Variants in PHACTR1 observed in about 807,000 individuals in gnomAD.
PHACTR1 encodes the protein RPEL repeat containing 1.
Under a neutral mutation model 69.2 loss-of-function variants are expected in PHACTR1, and 16 were observed. The ratio of observed to expected loss-of-function variants is 0.23; its 90% CI spans 0.16 to 0.35. PHACTR1 has a LOEUF of 0.35. PHACTR1 is among the 10% of genes least tolerant of loss of function. PHACTR1 has a pLI of 1.00. For synonymous variants in PHACTR1, 312 were observed against 284.5 expected, an observed-to-expected ratio of 1.10 and a Z score of -0.97; for missense variants, 510 against 734.7, an observed-to-expected ratio of 0.69 and a Z score of 3.54.
At chr6:13,135,600 T>C (rs1437250605) in intron 5 of PHACTR1, among the ~76,000 whole-genome samples, 1 of 152,224 alleles carries the variant, frequency 6.6e-6, no homozygotes, top group Non-Finnish European at 1.5e-5. Flanking sequence ...ACTTTGTTAA[T>C]TTTAAAGCAG....
intron 4 of PHACTR1, among the ~76,000 whole-genome samples, chr6:12,790,674 G>A (rs1350937865): frequency 6.6e-6 from 1 of 152,224 alleles, no homozygotes; most frequent in Non-Finnish European, 1.5e-5. Context: ...ATGGAAAAGA[G>A]GATATTATTA....
At chr6:12,995,298 G>T in intron 4 of PHACTR1, among the ~76,000 whole-genome samples, 1 of 147,482 alleles carries the variant, frequency 6.8e-6, no homozygotes, top group Non-Finnish European at 1.5e-5. Context: ...GAAAGGAAAA[G>T]AAAGAATAGA....
intron 4 of PHACTR1, among the ~76,000 whole-genome samples, chr6:12,832,798 T>C (rs139267900): frequency 1.3e-3 from 193 of 152,242 alleles, no homozygotes; most frequent in African/African-American, 4.4e-3. Flanking sequence ...CCTCTTATGT[T>C]GTCAGGCACA....
chr6:13,147,329 C>T (rs923184624), intron 5 of PHACTR1, among the ~76,000 whole-genome samples: 6 of 152,158 alleles, frequency 3.9e-5, no homozygotes, highest in African/African-American at 1.4e-4. Context: ...ATAAATTTTC[C>T]TCGGTGCACT....
intron 10 of PHACTR1, among the ~76,000 whole-genome samples, chr6:13,238,658 G>T (rs1374639413): frequency 6.6e-6 from 1 of 152,112 alleles, no homozygotes; most frequent in African/African-American, 2.4e-5. Flanking sequence ...TGTAGTTTGG[G>T]TAGTGTTTAT....
intron 4 of PHACTR1, among the ~76,000 whole-genome samples, chr6:12,841,234 G>A (rs1299436938): frequency 6.6e-6 from 1 of 152,166 alleles, no homozygotes; most frequent in Non-Finnish European, 1.5e-5. Context: ...CATTTAATAA[G>A]CTGTCAGATG....
At chr6:13,196,458 T>A in intron 7 of PHACTR1, 1 of 172,906 alleles carries the variant, frequency 5.8e-6, no homozygotes, top group South Asian at 8.2e-5. Context: ...TCTCACTCTG[T>A]TGCCCACGGT....
chr6:13,285,083 T>A (rs1296826075), intron 13 of PHACTR1, among the ~76,000 whole-genome samples: 1 of 152,184 alleles, frequency 6.6e-6, no homozygotes, highest in African/African-American at 2.4e-5. Flanking sequence ...GTCCACACTC[T>A]CTCTGCGGTA....
rs1219018819 is a variant in PHACTR1, at chr6:12,716,815, T to G, written c.-363T>G. 1 of 152,198 alleles carries G rather than the reference T, an allele frequency of 6.6e-6. No homozygotes were observed. The highest frequency in any genetic ancestry group is 6.6e-5 in the Admixed American group (1 of 15,264). The allele number at this position is 152,198 out of a possible 1,614,324, so 9.4% of individuals were successfully genotyped here. A position where few individuals can be genotyped will look rare whatever the true frequency, so the allele number is the denominator to read the frequency against. On this transcript the variant is annotated 5_prime_UTR_variant, in exon 1 of 15. Coordinates refer to ENST00000332995, the MANE Select transcript of PHACTR1 (RefSeq NM_030948.6). ...TGAAGGGAAAATTAGAAGCTGTTCATTTGTGCTTGCGGGCTCAGAAGCGTC... is the reference window on the plus strand; with the variant it reads ...TGAAGGGAAAATTAGAAGCTGTTCAGTTGTGCTTGCGGGCTCAGAAGCGTC...
intron 4 of PHACTR1, among the ~76,000 whole-genome samples, chr6:12,990,347 C>A (rs1460133632): frequency 6.6e-6 from 1 of 152,134 alleles, no homozygotes; most frequent in African/African-American, 2.4e-5. Context: ...TGGCCTTGGG[C>A]CCTGTTGAGA....
chr6:12,870,605 T>C (rs1012393972), intron 4 of PHACTR1, among the ~76,000 whole-genome samples: 3 of 151,852 alleles, frequency 2.0e-5, no homozygotes, highest in African/African-American at 7.3e-5. Flanking sequence ...TACATATAAT[T>C]GCACATCTAT....
At position 12,832,324 on chromosome 6, in the gene PHACTR1, T is replaced by C. The variant is rs562516755; in HGVS notation, c.250+82534T>C. Among the ~76,000 whole-genome samples the C allele has an allele frequency of 8.5e-5, 13 of 152,280 alleles. No homozygotes were observed. The East Asian group carries it at 2.3e-3, about 27-fold the overall frequency. On this transcript the variant is annotated intron_variant, in intron 4 of 14. Transcript: ENST00000332995. ...AGTCTGAAATGGAATTCATTTCATATACCGTAAAACTGAGCTGAATGTTCT... is the reference window on the plus strand; with the variant it reads ...AGTCTGAAATGGAATTCATTTCATACACCGTAAAACTGAGCTGAATGTTCT...
At chr6:13,074,173 T>C (rs1006968283) in intron 5 of PHACTR1, among the ~76,000 whole-genome samples, 10 of 152,112 alleles carry the variant, frequency 6.6e-5, no homozygotes, top group African/African-American at 2.4e-4. Context: ...ACCTAGCCCA[T>C]ATTTTCAATT....
intron 4 of PHACTR1, among the ~76,000 whole-genome samples, chr6:12,869,211 C>G (rs1262809933): frequency 6.6e-6 from 1 of 152,124 alleles, no homozygotes; most frequent in South Asian, 2.1e-4. Context: ...CCAAGATGTA[C>G]AGAATGAGGG....
At position 13,206,124 on chromosome 6, in the gene PHACTR1, A is replaced by T; in HGVS notation, c.974A>T (p.Gln325Leu). The T allele has an allele frequency of 1.3e-6, 2 of 1,596,246 alleles. No homozygotes were observed. Among genetic ancestry groups the T allele is most frequent in the Non-Finnish European group, 1.7e-6 (2 of 1,169,612 alleles). Residue 325 changes from glutamine to leucine, a missense_variant, in exon 8 of 15, where the codon CAG (glutamine) becomes CTG (leucine). Gln to Leu is a moderately radical substitution (Grantham distance 113). Transcript: ENST00000332995. ...AACAAAACGCTGGCCATGACCATGCAGAGGCTGGAAAGGTAAAGGTGGGCA... is the reference window on the plus strand; with the variant it reads ...AACAAAACGCTGGCCATGACCATGCTGAGGCTGGAAAGGTAAAGGTGGGCA... ...ELNKTLAMTM[Q>L]RLESSEQRVP...
At chr6:13,278,133 G>T (rs901186362) in intron 11 of PHACTR1, 135 bp from the exon 12 acceptor site, 1 of 740,034 alleles carries the variant, frequency 1.4e-6, no homozygotes, top group Non-Finnish European at 2.2e-6. Flanking sequence ...AGGGCAGCTG[G>T]GGGAGGGGAC....
chr6:12,784,563 A>G (rs1359774547), intron 4 of PHACTR1, among the ~76,000 whole-genome samples: 1 of 151,416 alleles, frequency 6.6e-6, no homozygotes, highest in Non-Finnish European at 1.5e-5. Flanking sequence ...ATATCTATAC[A>G]CATATACATG....
chr6:13,197,445 A>G (rs961044935), intron 7 of PHACTR1, among the ~76,000 whole-genome samples: 2 of 152,212 alleles, frequency 1.3e-5, no homozygotes, highest in Non-Finnish European at 2.9e-5. Context: ...TCTACAGATG[A>G]GAAAACTGAG....
chr6:12,837,866 A>G (rs1228680126), intron 4 of PHACTR1, among the ~76,000 whole-genome samples: 2 of 152,250 alleles, frequency 1.3e-5, no homozygotes, highest in African/African-American at 2.4e-5. Context: ...GGCTTAAAAC[A>G]ACATATTTAT....
Sources: gnomAD v4.1 joint callset for allele counts (sites outside exome capture counted in the v4.1 genomes callset) on GRCh38, gnomAD v4.1.1 for gene constraint, MANE v1.5 for transcripts, NCBI Gene and HGNC (gene_info 2026-07-23, HGNC 2026-07-21) for gene names.